Variants in NOS1AP observed in about 807,000 individuals in gnomAD.
NOS1AP encodes nitric oxide synthase 1 adaptor protein, also known as carboxyl-terminal PDZ ligand of neuronal nitric oxide synthase protein.
NOS1AP carries 21 observed loss-of-function variants against 56.2 expected under a neutral mutation model. The observed-to-expected ratio is 0.37, with a 90% CI of 0.26 to 0.54. The LOEUF is 0.54. Among genes scored for constraint, NOS1AP ranks in the 20% least tolerant of loss-of-function variants. The pLI is 0.84. For synonymous variants in NOS1AP, 270 were observed against 274.6 expected (o/e 0.98, Z 0.17); for missense variants, 522 against 657.8 (o/e 0.79, Z 2.26).
chr1:162,305,031 C>T (rs1035569907), intron 4 of NOS1AP, among the ~76,000 whole-genome samples: 7 of 151,820 alleles, frequency 4.6e-5, no homozygotes, highest in African/African-American at 7.3e-5. Context: ...TCATTTTAGA[C>T]GAATGAATTT....
chr1:162,155,027 A>C lies in NOS1AP; in HGVS notation c.177+551A>C, dbSNP rs143518935. Among the ~76,000 whole-genome samples the C allele has an allele frequency of 2.4e-3, 360 of 152,104 alleles. 2 individuals are homozygous for C. The highest frequency in any genetic ancestry group is 8.1e-3 in the African/African-American group (336 of 41,526). On this transcript the variant is annotated intron_variant, in intron 2 of 9. Coordinates refer to ENST00000361897, the MANE Select transcript of NOS1AP (RefSeq NM_014697.3). ...GGAATAAGTACTCTAAATAGGAAAAATAACATTAGCAAAGATATAGTATAG... is the reference window on the plus strand; with the variant it reads ...GGAATAAGTACTCTAAATAGGAAAACTAACATTAGCAAAGATATAGTATAG...
At chr1:162,172,802 C>T (rs1256123422) in intron 2 of NOS1AP, among the ~76,000 whole-genome samples, 1 of 152,212 alleles carries the variant, frequency 6.6e-6, no homozygotes, top group South Asian at 2.1e-4. Context: ...AAATATGAAT[C>T]ATTTAAATAA....
Position 162,231,272 on chromosome 1 carries a change from T to A in NOS1AP, c.178-56072T>A, listed in dbSNP as rs572771258. Among the ~76,000 whole-genome samples, 811 of 152,364 alleles carry A rather than the reference T, an allele frequency of 5.3e-3. 4 individuals are homozygous for A. Among genetic ancestry groups the A allele is most frequent in the Non-Finnish European group, 8.7e-3 (593 of 68,030 alleles). ...CAGCTTTTCATATGCCTCCTGGCCA[T>A]TTGGGTGTCTTCTTTGAAGAAATGT... On this transcript the variant is annotated intron_variant, in intron 2 of 9. Coordinates refer to ENST00000361897, the MANE Select transcript of NOS1AP (RefSeq NM_014697.3).
intron 2 of NOS1AP, among the ~76,000 whole-genome samples, chr1:162,168,640 G>T (rs3795645): frequency 6.6e-6 from 1 of 151,154 alleles, no homozygotes; most frequent in Non-Finnish European, 1.5e-5. Flanking sequence ...TGGGCAGGGG[G>T]GTGTGTTTCT....
chr1:162,323,739 A>T (rs1233587394), intron 4 of NOS1AP, among the ~76,000 whole-genome samples: 4 of 152,194 alleles, frequency 2.6e-5, no homozygotes, highest in Non-Finnish European at 5.9e-5. Flanking sequence ...ACCTCTTCTT[A>T]TCCCATTTTG....
At chr1:162,291,233 C>G (rs894778301) in intron 3 of NOS1AP, among the ~76,000 whole-genome samples, 1 of 152,184 alleles carries the variant, frequency 6.6e-6, no homozygotes, top group Non-Finnish European at 1.5e-5. Context: ...CAGTAAGTCT[C>G]TGCCCTCCAG....
intron 2 of NOS1AP, among the ~76,000 whole-genome samples, chr1:162,268,036 G>A (rs114147993): frequency 0.025 from 3,855 of 152,096 alleles, 69 homozygotes; most frequent in Non-Finnish European, 0.038. Context: ...AAGTGGGCGG[G>A]TTACTTGAGG....
intron 2 of NOS1AP, among the ~76,000 whole-genome samples, chr1:162,272,089 G>A (rs1417037892): frequency 6.6e-6 from 1 of 152,006 alleles, no homozygotes; most frequent in Non-Finnish European, 1.5e-5. Context: ...CTGGCCTCAG[G>A]CAATCCTCCA....
intron 1 of NOS1AP, among the ~76,000 whole-genome samples, chr1:162,135,363 T>C (rs954951205): frequency 6.6e-6 from 1 of 152,298 alleles, no homozygotes. Flanking sequence ...TCGACTTTCA[T>C]ATACTGCAAG....
chr1:162,255,218 G>A (rs938239573), intron 2 of NOS1AP, among the ~76,000 whole-genome samples: 9 of 152,102 alleles, frequency 5.9e-5, no homozygotes, highest in East Asian at 1.9e-4. Context: ...TTTTGAGGTG[G>A]CTCCTAGAGT....
At chr1:162,327,718 A>T (rs973616321) in intron 4 of NOS1AP, among the ~76,000 whole-genome samples, 1 of 152,220 alleles carries the variant, frequency 6.6e-6, no homozygotes, top group African/African-American at 2.4e-5. Context: ...ATGATCAGAG[A>T]TGCTTTGCTA....
intron 1 of NOS1AP, among the ~76,000 whole-genome samples, chr1:162,152,185 A>G (rs554296989): frequency 2.0e-5 from 3 of 152,148 alleles, no homozygotes; most frequent in South Asian, 2.1e-4. Context: ...TTTAGGCCCA[A>G]TGGTGGGTCT....
At chr1:162,116,120 G>A (rs1647938469) in intron 1 of NOS1AP, among the ~76,000 whole-genome samples, 1 of 152,160 alleles carries the variant, frequency 6.6e-6, no homozygotes, top group Non-Finnish European at 1.5e-5. Context: ...TTTAGCCTTT[G>A]TGAGGCTGAG....
rs563683136 is a variant in NOS1AP, at chr1:162,229,141, G to A, written c.178-58203G>A. On this transcript the variant is annotated intron_variant, in intron 2 of 9. Coordinates refer to ENST00000361897, the MANE Select transcript of NOS1AP (RefSeq NM_014697.3). The stretch of plus-strand genomic sequence containing the variant: ...TGATCCTAACAGGTGAAATAGAGCT[G>A]ACTGGCTCTTTAGGACTGTTCTAGT... Among the ~76,000 whole-genome samples the A allele has an allele frequency of 1.2e-4, 18 of 152,330 alleles. 1 individual carries two copies. Among genetic ancestry groups the A allele is most frequent in the African/African-American group, 4.3e-4 (18 of 41,570 alleles).
At chr1:162,115,695 G>A (rs1422509940) in intron 1 of NOS1AP, among the ~76,000 whole-genome samples, 4 of 152,150 alleles carry the variant, frequency 2.6e-5, no homozygotes, top group African/African-American at 9.7e-5. Context: ...ACACTGGAGT[G>A]GGAGGTTGAG....
rs557922696 is a variant in NOS1AP at position 162,310,898 on chromosome 1, C to T, written c.344+10192C>T. Among the ~76,000 whole-genome samples the T allele has an allele frequency of 1.3e-3, 191 of 151,904 alleles. 1 individual carries two copies. The highest frequency in any genetic ancestry group is 4.5e-3 in the African/African-American group (186 of 41,422). ...GTCTCTCTGTTCGCTGACTCTCTCTCTCTCTTCTGGACCCATCTTCGCTTG... is the reference window on the plus strand; with the variant it reads ...GTCTCTCTGTTCGCTGACTCTCTCTTTCTCTTCTGGACCCATCTTCGCTTG... On this transcript the variant is annotated intron_variant, in intron 4 of 9. Coordinates refer to ENST00000361897, the MANE Select transcript of NOS1AP (RefSeq NM_014697.3).
chr1:162,171,825 C>T (rs1650796817), intron 2 of NOS1AP, among the ~76,000 whole-genome samples: 1 of 152,134 alleles, frequency 6.6e-6, no homozygotes, highest in Non-Finnish European at 1.5e-5. Context: ...GGCCATAGAA[C>T]AACCAGCTGT....
intron 7 of NOS1AP, 92 bp from the exon 8 acceptor site, chr1:162,356,868 A>G (rs1571242515): frequency 1.9e-6 from 3 of 1,607,354 alleles, no homozygotes; most frequent in Non-Finnish European, 2.5e-6. Flanking sequence ...AAGTGTGCCA[A>G]TTTGCTCCTC....
intron 4 of NOS1AP, among the ~76,000 whole-genome samples, chr1:162,303,873 T>C (rs1655737233): frequency 6.6e-6 from 1 of 151,638 alleles, no homozygotes; most frequent in Admixed American, 6.6e-5. Context: ...AAATACATGG[T>C]TTACAAACAT....
Sources: gnomAD v4.1 joint callset for allele counts (sites outside exome capture counted in the v4.1 genomes callset) on GRCh38, gnomAD v4.1.1 for gene constraint, MANE v1.5 for transcripts, NCBI Gene and HGNC (gene_info 2026-07-23, HGNC 2026-07-21) for gene names.